The following EPHA7 variants were observed in gnomAD, a reference collection of about 807,000 sequenced individuals.
EPHA7 encodes EPH receptor A7.
Under a neutral mutation model 112.6 loss-of-function variants are expected in EPHA7, and 25 were observed. The observed-to-expected ratio is 0.22, with a 90% CI of 0.16 to 0.31. EPHA7 has a LOEUF of 0.31. EPHA7 is among the 10% of genes least tolerant of loss of function. The pLI is 1.00. For synonymous variants in EPHA7, 437 were observed against 406.5 expected (o/e 1.07, Z -0.90); for missense variants, 962 against 1,212.6 (o/e 0.79, Z 3.07).
At chr6:93,267,558 A>G (rs978925695) in intron 7 of EPHA7, among the ~76,000 whole-genome samples, 1 of 151,762 alleles carries the variant, frequency 6.6e-6, no homozygotes, top group Non-Finnish European at 1.5e-5. Context: ...TGGCAAGACA[A>G]CAGTAAGAAA....
intron 5 of EPHA7, among the ~76,000 whole-genome samples, chr6:93,340,882 A>G (rs1027578641): frequency 6.6e-5 from 10 of 151,948 alleles, no homozygotes; most frequent in Non-Finnish European, 1.0e-4. Context: ...TGGTTTTTAT[A>G]GTGGAACACT....
At chr6:93,296,644 G>T (rs892309741) in intron 5 of EPHA7, among the ~76,000 whole-genome samples, 29 of 151,350 alleles carry the variant, frequency 1.9e-4, no homozygotes, top group Non-Finnish European at 5.9e-5. Flanking sequence ...CTAAGAAAAA[G>T]TCAAATAAAC....
chr6:93,384,772 G>A (rs1240498675), intron 3 of EPHA7, among the ~76,000 whole-genome samples: 2 of 152,050 alleles, frequency 1.3e-5, no homozygotes, highest in African/African-American at 4.8e-5. Context: ...ATTGTAACTT[G>A]TTATTGAACG....
At chr6:93,345,193 G>C (rs1257827728) in intron 5 of EPHA7, among the ~76,000 whole-genome samples, 2 of 151,592 alleles carry the variant, frequency 1.3e-5, no homozygotes, top group Non-Finnish European at 3.0e-5. Context: ...ATAGTGATAT[G>C]GCTTAACCAG....
chr6:93,338,224 A>C (rs1007924448), intron 5 of EPHA7, among the ~76,000 whole-genome samples: 1 of 152,086 alleles, frequency 6.6e-6, no homozygotes, highest in African/African-American at 2.4e-5. Context: ...GCTTGAGGAA[A>C]TCACATGCTT....
intron 5 of EPHA7, among the ~76,000 whole-genome samples, chr6:93,337,621 G>A (rs1003803144): frequency 6.6e-6 from 1 of 152,094 alleles, no homozygotes; most frequent in Non-Finnish European, 1.5e-5. Flanking sequence ...CTCTCATAGA[G>A]AGCTGGCAGG....
chr6:93,308,963 T>G (rs2127860972), intron 5 of EPHA7, among the ~76,000 whole-genome samples: 1 of 151,934 alleles, frequency 6.6e-6, no homozygotes, highest in South Asian at 2.1e-4. Flanking sequence ...TTTTTTTTTT[T>G]TAAACTACAG....
chr6:93,274,014 A>G (rs537916525), intron 5 of EPHA7, among the ~76,000 whole-genome samples: 1 of 152,090 alleles, frequency 6.6e-6, no homozygotes, highest in Admixed American at 6.6e-5. Flanking sequence ...AGTAAAAACA[A>G]TAGACTGCAG....
intron 3 of EPHA7, among the ~76,000 whole-genome samples, chr6:93,389,820 G>T (rs1049367445): frequency 5.3e-5 from 8 of 151,654 alleles, no homozygotes; most frequent in African/African-American, 1.9e-4. Context: ...CAAGAAGTTG[G>T]GACTAGAGAA....
intron 5 of EPHA7, among the ~76,000 whole-genome samples, chr6:93,321,822 A>C (rs1774089238): frequency 6.6e-6 from 1 of 151,920 alleles, no homozygotes; most frequent in African/African-American, 2.4e-5. Context: ...AAATGTCCAA[A>C]CTATCTCTTT....
chr6:93,398,553 C>A (rs1327007058), intron 3 of EPHA7, among the ~76,000 whole-genome samples: 3 of 151,140 alleles, frequency 2.0e-5, no homozygotes, highest in African/African-American at 7.3e-5. Context: ...ACATTTAATG[C>A]CAGTGTCTAA....
At position 93,340,568 on chromosome 6, in the gene EPHA7, CA is replaced by C. The variant is rs199660605; in HGVS notation, c.1324+16148del. ...GTATAATACAAATATTACAAAACTCCAAAAAAAAATTCAAAATCTGAAACAC... is the reference window on the plus strand; with the variant it reads ...GTATAATACAAATATTACAAAACTCCAAAAAAAATTCAAAATCTGAAACAC... On this transcript the variant is annotated intron_variant, in intron 5 of 16. Transcript: ENST00000369303. Among the ~76,000 whole-genome samples the C allele has an allele frequency of 4.0e-5, 6 of 150,228 alleles. No homozygotes were observed. The East Asian group carries it at 5.9e-4, about 15-fold the overall frequency.
At chr6:93,419,140 CCCGGCGCCGGAGGCGCGG>C (rs1779401251) in intron 1 of EPHA7, 87 bp downstream of exon 1, 1 of 900,954 alleles carries the variant, frequency 1.1e-6, no homozygotes, top group Middle Eastern at 3.4e-4. Context: ...GGGAGGGTCG[CCCGGCGCCGGAGGCGCGG>C]CCGGCAGCGC....
intron 13 of EPHA7, among the ~76,000 whole-genome samples, chr6:93,255,595 C>G (rs1342246207): frequency 6.6e-6 from 1 of 152,068 alleles, no homozygotes; most frequent in Non-Finnish European, 1.5e-5. Context: ...TTCTATGACT[C>G]TCCCAATATA....
At chr6:93,381,928 C>G (rs978144570) in intron 3 of EPHA7, among the ~76,000 whole-genome samples, 1 of 152,124 alleles carries the variant, frequency 6.6e-6, no homozygotes, top group Non-Finnish European at 1.5e-5. Flanking sequence ...TGTTCCTCTT[C>G]CACTTTAATC....
At chr6:93,396,808 A>G (rs1778195577) in intron 3 of EPHA7, among the ~76,000 whole-genome samples, 1 of 151,802 alleles carries the variant, frequency 6.6e-6, no homozygotes, top group Non-Finnish European at 1.5e-5. Flanking sequence ...ATAAATATAA[A>G]TATGACAATC....
At chr6:93,417,958 A>G (rs948179722) in intron 1 of EPHA7, among the ~76,000 whole-genome samples, 3 of 152,080 alleles carry the variant, frequency 2.0e-5, no homozygotes, top group Admixed American at 2.0e-4. Context: ...ATGAGAATAA[A>G]GAAAAGGTGC....
At chr6:93,370,055 C>T (rs1472353104) in intron 3 of EPHA7, among the ~76,000 whole-genome samples, 1 of 152,080 alleles carries the variant, frequency 6.6e-6, no homozygotes, top group Non-Finnish European at 1.5e-5. Context: ...TAGACTAATA[C>T]TTTAGATGAT....
chr6:93,379,588 T>C (rs920354989), intron 3 of EPHA7, among the ~76,000 whole-genome samples: 23 of 151,920 alleles, frequency 1.5e-4, no homozygotes, highest in Non-Finnish European at 3.4e-4. Context: ...AAACATAAAA[T>C]ACGTGGAAAT....
Sources: gnomAD v4.1 joint callset for allele counts (sites outside exome capture counted in the v4.1 genomes callset) on GRCh38, gnomAD v4.1.1 for gene constraint, MANE v1.5 for transcripts, NCBI Gene and HGNC (gene_info 2026-07-23, HGNC 2026-07-21) for gene names.